The following MDM2 variants were observed in gnomAD, a reference collection of about 807,000 sequenced individuals.
The protein encoded by MDM2 is E3 ubiquitin-protein ligase Mdm2.
In MDM2, 11 loss-of-function variants were observed where a neutral mutation model predicts 64.3. That is an observed-to-expected ratio of 0.17 (90% CI 0.11 to 0.28). MDM2 has a LOEUF of 0.28. Ranked by LOEUF, MDM2 falls within the 10% of genes least tolerant of loss-of-function variation. The pLI, the probability that MDM2 is intolerant of heterozygous loss-of-function variation, is 1.00. For synonymous variants in MDM2, 194 were observed against 192.9 expected, an observed-to-expected ratio of 1.01 and a Z score of -0.05; for missense variants, 388 against 577.1, an observed-to-expected ratio of 0.67 and a Z score of 3.36.
chr12:68,817,086 C>A, intron 4 of MDM2, 141 bp downstream of exon 4: 1 of 931,050 alleles, frequency 1.1e-6, no homozygotes, highest in Non-Finnish European at 1.5e-6. Context: ...AGCTCTGCGG[C>A]ATATTATTTG....
At chr12:68,832,717 G>A (rs1481249411) in intron 8 of MDM2, among the ~76,000 whole-genome samples, 1 of 151,086 alleles carries the variant, frequency 6.6e-6, no homozygotes, top group Non-Finnish European at 1.5e-5. Context: ...TGAGATCTTG[G>A]CCTGTTGCCC....
At chr12:68,809,930 T>G (rs1221275039) in intron 2 of MDM2, among the ~76,000 whole-genome samples, 1 of 152,184 alleles carries the variant, frequency 6.6e-6, no homozygotes, top group Non-Finnish European at 1.5e-5. Flanking sequence ...ACTGATAGGT[T>G]TTTAAAAATT....
chr12:68,808,924 GT>G, intron 1 of MDM2: 3 of 1,368,420 alleles, frequency 2.2e-6, no homozygotes, highest in Non-Finnish European at 2.8e-6. Context: ...TCTTGAGCTG[GT>G]CAAGTTCAGA....
At chr12:68,809,053 A>T (rs948327075) in intron 1 of MDM2, 155 bp from the exon 2 acceptor site, 1 of 1,498,876 alleles carries the variant, frequency 6.7e-7, no homozygotes, top group African/African-American at 1.4e-5. Flanking sequence ...ACCTGTGGGC[A>T]CGGACGCACG....
At chr12:68,808,824 G>T (rs1423462338) in intron 1 of MDM2, 1 of 763,054 alleles carries the variant, frequency 1.3e-6, no homozygotes, top group African/African-American at 1.9e-5. Flanking sequence ...CCGGATGATC[G>T]CAGGTGCCTG....
chr12:68,815,735 G>A (rs1367974202), intron 3 of MDM2: 3 of 255,156 alleles, frequency 1.2e-5, no homozygotes, highest in Non-Finnish European at 2.4e-5. Flanking sequence ...GAGCCACTGT[G>A]CCCAACGCAA....
chr12:68,838,660 T>C (rs1160454735), intron 10 of MDM2, among the ~76,000 whole-genome samples: 1 of 152,156 alleles, frequency 6.6e-6, no homozygotes, highest in Non-Finnish European at 1.5e-5. Context: ...GATGGACTCT[T>C]GGAATAGCGC....
At chr12:68,821,760 G>A (rs1160389701) in intron 5 of MDM2, among the ~76,000 whole-genome samples, 2 of 152,068 alleles carry the variant, frequency 1.3e-5, no homozygotes, top group Admixed American at 1.3e-4. Flanking sequence ...ACACCTCTCA[G>A]GAGCTTGTTT....
At chr12:68,821,570 A>G (rs3730552) in intron 5 of MDM2, among the ~76,000 whole-genome samples, 138 of 152,258 alleles carry the variant, frequency 9.1e-4, no homozygotes, top group African/African-American at 3.2e-3. Context: ...AAAAACTACA[A>G]AAATCAGCTT....
At chr12:68,808,958 A>G in intron 1 of MDM2, 3 of 1,392,224 alleles carry the variant, frequency 2.2e-6, no homozygotes, top group South Asian at 1.7e-5. Flanking sequence ...CTGCAGTAAA[A>G]GGAGTTAAGT....
intron 8 of MDM2, among the ~76,000 whole-genome samples, chr12:68,834,468 G>A (rs1421817714): frequency 6.6e-6 from 1 of 151,718 alleles, no homozygotes; most frequent in Non-Finnish European, 1.5e-5. Context: ...CGGGCATGGT[G>A]GCTCACACCT....
At chr12:68,826,647 T>TCAAAAAAAA (rs756911468) in intron 7 of MDM2, among the ~76,000 whole-genome samples, 2 of 91,434 alleles carry the variant, frequency 2.2e-5, no homozygotes, top group African/African-American at 8.1e-5. Context: ...AGACTCCCTC[T>TCAAAAAAAA]TAAAAAAAAA....
intron 10 of MDM2, among the ~76,000 whole-genome samples, chr12:68,837,709 C>T (rs919545969): frequency 6.6e-6 from 1 of 152,142 alleles, no homozygotes; most frequent in Non-Finnish European, 1.5e-5. Context: ...TAGGATTTGC[C>T]ATTAAAGAAA....
intron 5 of MDM2, among the ~76,000 whole-genome samples, chr12:68,822,103 C>G (rs1387249442): frequency 1.3e-5 from 2 of 152,198 alleles, no homozygotes; most frequent in Admixed American, 1.3e-4. Context: ...ATTCTCACCT[C>G]GGCCTCCCAA....
At chr12:68,824,106 T>C in intron 5 of MDM2, 1 of 431,804 alleles carries the variant, frequency 2.3e-6, no homozygotes, top group African/African-American at 2.0e-5. Flanking sequence ...ATAATGACTC[T>C]CCTGTCTCTC....
At chr12:68,825,881 C>T (rs1314598616) in intron 7 of MDM2, among the ~76,000 whole-genome samples, 1 of 152,028 alleles carries the variant, frequency 6.6e-6, no homozygotes, top group Non-Finnish European at 1.5e-5. Context: ...AGAGGTGGAA[C>T]TAGAACAAAT....
chr12:68,809,005 C>A, intron 1 of MDM2: 1 of 1,455,298 alleles, frequency 6.9e-7, no homozygotes, highest in South Asian at 1.5e-5. Context: ...TTAAACCATG[C>A]ATTTTCCCAG....
chr12:68,845,627 T>C (rs948678345), downstream of MDM2: 8 of 176,994 alleles, frequency 4.5e-5, no homozygotes, highest in Admixed American at 6.3e-5. Context: ...TTAAAAAAAA[T>C]TCGATAGGCA....
intron 8 of MDM2, 79 bp downstream of exon 8, chr12:68,829,010 A>G: frequency 2.9e-6 from 4 of 1,371,540 alleles, no homozygotes. Flanking sequence ...GGATACGGAT[A>G]GAATGTACAT....
Sources: gnomAD v4.1 joint callset for allele counts (sites outside exome capture counted in the v4.1 genomes callset) on GRCh38, gnomAD v4.1.1 for gene constraint, MANE v1.5 for transcripts, NCBI Gene and HGNC (gene_info 2026-07-23, HGNC 2026-07-21) for gene names.